GPC5: variants seen among roughly 807,000 people sequenced by gnomAD.
The protein encoded by GPC5 is glypican-5.
A neutral mutation model predicts 53.9 loss-of-function variants in GPC5; 47 were observed. The observed-to-expected ratio is 0.87, with a 90% confidence interval of 0.69 to 1.11. The LOEUF (loss-of-function observed/expected upper bound fraction) is 1.11, where lower values mean the gene tolerates loss of function less well. Among genes scored for constraint, GPC5 ranks in the 50% most tolerant of loss-of-function variants. The probability of loss-of-function intolerance (pLI) is 0.00; values close to 1 mark genes in which losing one functional copy is unlikely to be tolerated. For synonymous variants in GPC5, 286 were observed against 263.3 expected (o/e 1.09, Z -0.84); for missense variants, 748 against 713.1 (o/e 1.05, Z -0.56).
At chr13:91,624,249 G>A (rs1024891771) in intron 2 of GPC5, among the ~76,000 whole-genome samples, 2 of 152,124 alleles carry the variant, frequency 1.3e-5, no homozygotes, top group African/African-American at 4.8e-5. Context: ...TTCTATTTAT[G>A]AGAAGCCCAA....
At chr13:92,347,148 A>C (rs190380187) in intron 7 of GPC5, among the ~76,000 whole-genome samples, 1 of 152,282 alleles carries the variant, frequency 6.6e-6, no homozygotes, top group African/African-American at 2.4e-5. Context: ...GCTAAAAAAA[A>C]CTTCCATATT....
intron 7 of GPC5, among the ~76,000 whole-genome samples, chr13:92,674,775 T>C (rs1886878342): frequency 6.6e-6 from 1 of 152,160 alleles, no homozygotes; most frequent in Non-Finnish European, 1.5e-5. Context: ...AAAAGGGCTT[T>C]TTCACAACCT....
Position 92,491,580 on chromosome 13 carries a change from G to A in GPC5, c.1561+346591G>A, listed in dbSNP as rs1048750809. 3.3e-5 allele frequency among the ~76,000 whole-genome samples: 5 copies of A among 151,916 alleles called. No homozygotes were observed. In the East Asian group the frequency reaches 9.6e-4, roughly 29 times the overall value. On this transcript the variant is annotated intron_variant, in intron 7 of 7. Transcript: ENST00000377067. ...GTCAGGAGATTTTTGTGAATAAATG[G>A]GATTTCACATTTATTCTTATATTCA...
At chr13:92,280,158 T>C (rs1473545131) in intron 7 of GPC5, among the ~76,000 whole-genome samples, 1 of 152,138 alleles carries the variant, frequency 6.6e-6, no homozygotes, top group Non-Finnish European at 1.5e-5. Flanking sequence ...TTGTCTAGAT[T>C]ATCTAATTTG....
At chr13:92,151,107 T>C (rs1012726292) in intron 7 of GPC5, among the ~76,000 whole-genome samples, 4 of 152,098 alleles carry the variant, frequency 2.6e-5, no homozygotes, top group Non-Finnish European at 2.9e-5. Context: ...ATTAGGTATA[T>C]CTTCGGGTCT....
intron 6 of GPC5, among the ~76,000 whole-genome samples, chr13:92,022,029 T>G (rs2040763097): frequency 6.6e-6 from 1 of 152,180 alleles, no homozygotes; most frequent in African/African-American, 2.4e-5. Flanking sequence ...AGACAGAGTC[T>G]CGGTCTGTTG....
chr13:92,434,745 C>T (rs1010246564), intron 7 of GPC5, among the ~76,000 whole-genome samples: 21 of 152,098 alleles, frequency 1.4e-4, no homozygotes, highest in African/African-American at 5.1e-4. Flanking sequence ...AACTATCTCC[C>T]AGAGGTATTA....
intron 7 of GPC5, among the ~76,000 whole-genome samples, chr13:92,564,119 A>C (rs2139033015): frequency 6.6e-6 from 1 of 152,174 alleles, no homozygotes; most frequent in South Asian, 2.1e-4. Flanking sequence ...TTATTTTAAA[A>C]ATAAAAGTGG....
Position 92,795,031 on chromosome 13 carries a change from C to T in GPC5, c.1562-71251C>T, listed in dbSNP as rs557830589. 4.6e-5 allele frequency among the ~76,000 whole-genome samples: 7 copies of T among 152,218 alleles called. No individual in the cohort carries two copies. In the South Asian group the frequency reaches 1.4e-3, roughly 32 times the overall value. ...ACTTTCTTAACAGAATTGGAAAAAACTACTTTAAAGTTCATATGGAACCAA... is the reference window on the plus strand; with the variant it reads ...ACTTTCTTAACAGAATTGGAAAAAATTACTTTAAAGTTCATATGGAACCAA... On this transcript the variant is annotated intron_variant, in intron 7 of 7. Coordinates refer to ENST00000377067, the MANE Select transcript of GPC5 (RefSeq NM_004466.6).
chr13:91,983,720 G>C (rs1017551922), intron 6 of GPC5, among the ~76,000 whole-genome samples: 5 of 152,262 alleles, frequency 3.3e-5, no homozygotes, highest in African/African-American at 1.2e-4. Context: ...CAAACGGGGA[G>C]TGACATTTTC....
intron 7 of GPC5, among the ~76,000 whole-genome samples, chr13:92,749,655 G>GTTTTCCATAACATCTTTC (rs1470870120): frequency 1.3e-5 from 2 of 152,072 alleles, no homozygotes; most frequent in African/African-American, 4.8e-5. Context: ...CTGACACATG[G>GTTTTCCATAACATCTTTC]TTTTCCATAA....
intron 6 of GPC5, among the ~76,000 whole-genome samples, chr13:92,069,177 A>C (rs2041190319): frequency 6.6e-6 from 1 of 152,134 alleles, no homozygotes; most frequent in Non-Finnish European, 1.5e-5. Context: ...GCTTATAAAT[A>C]TGAGGTTTAT....
chr13:92,035,183 C>G (rs1198987246), intron 6 of GPC5, among the ~76,000 whole-genome samples: 6 of 149,292 alleles, frequency 4.0e-5, no homozygotes, highest in African/African-American at 1.2e-4. Context: ...CCACTACACT[C>G]CAGCCTGGGC....
chr13:91,650,840 T>C (rs147103459), intron 2 of GPC5, among the ~76,000 whole-genome samples: 2,036 of 151,208 alleles, frequency 0.013, 40 homozygotes, highest in African/African-American at 0.047. Context: ...TTAATGAAAT[T>C]ATAAAATTTC....
In GPC5 at chr13:91,671,780, C is replaced by CAAAAAAAAAAAAAAAAAAAAAAAAA. The variant is rs55758033; in HGVS notation, c.326-21406_326-21382dup. 1.1e-3 allele frequency among the ~76,000 whole-genome samples: 37 copies of CAAAAAAAAAAAAAAAAAAAAAAAAA among 33,122 alleles called. 3 individuals are homozygous for CAAAAAAAAAAAAAAAAAAAAAAAAA. The highest frequency in any genetic ancestry group is 1.3e-3 in the Non-Finnish European group (22 of 17,278). The allele number at this position is 33,122 out of a possible 152,430, so 21.7% of individuals were successfully genotyped here. ...CCTGTATAGCCAAGACAATCTGAAG[C>CAAAAAAAAAAAAAAAAAAAAAAAAA]AAAAAAAAAAAAAAAAAAAAAAAAA... On this transcript the variant is annotated intron_variant, in intron 2 of 7. Coordinates refer to ENST00000377067, the MANE Select transcript of GPC5 (RefSeq NM_004466.6).
At chr13:92,588,935 T>C (rs138083097) in intron 7 of GPC5, among the ~76,000 whole-genome samples, 1 of 152,256 alleles carries the variant, frequency 6.6e-6, no homozygotes, top group African/African-American at 2.4e-5. Context: ...AACCAAGGTG[T>C]ATAGAAATCT....
At chr13:91,763,825 G>C (rs1273911355) in intron 5 of GPC5, among the ~76,000 whole-genome samples, 4 of 152,206 alleles carry the variant, frequency 2.6e-5, no homozygotes, top group Middle Eastern at 3.4e-3. Flanking sequence ...TATCCATGGG[G>C]AATTGTGTCC....
intron 6 of GPC5, among the ~76,000 whole-genome samples, chr13:91,952,733 G>T (rs935556554): frequency 6.6e-6 from 1 of 151,340 alleles, no homozygotes; most frequent in Non-Finnish European, 1.5e-5. Context: ...GCACATTCAA[G>T]AAAAAAAATA....
intron 7 of GPC5, among the ~76,000 whole-genome samples, chr13:92,642,205 A>G (rs1394625132): frequency 3.9e-5 from 6 of 152,176 alleles, no homozygotes; most frequent in Non-Finnish European, 2.9e-5. Flanking sequence ...CACCTACATT[A>G]GGTTGGTGAT....
Sources: allele counts gnomAD v4.1 joint callset (sites outside exome capture counted in the v4.1 genomes callset), GRCh38; gene constraint gnomAD v4.1.1; transcripts MANE v1.5; gene names NCBI Gene and HGNC (gene_info 2026-07-23, HGNC 2026-07-21).